PIN4: variants seen among roughly 807,000 people sequenced by gnomAD.
The protein encoded by PIN4 is peptidyl-prolyl cis-trans isomerase NIMA-interacting 4.
In PIN4, 3 loss-of-function variants were observed where a neutral mutation model predicts 8.3. The ratio of observed to expected loss-of-function variants is 0.36; its 90% confidence interval spans 0.16 to 0.93. The LOEUF is 0.93. Ranked by LOEUF, PIN4 falls within the 40% of genes least tolerant of loss-of-function variation. The pLI is 0.44. For synonymous variants in PIN4, 18 were observed against 32.5 expected, an observed-to-expected ratio of 0.55 and a Z score of 1.52; for missense variants, 75 against 100.6, an observed-to-expected ratio of 0.75 and a Z score of 1.09.
At chrX:72,251,220 G>A (rs181155335) in intron 3 of PIN4, among the ~76,000 whole-genome samples, 62 of 106,245 alleles carry the variant, frequency 5.8e-4, no homozygotes, top group African/African-American at 1.9e-3. Context: ...AAAATTACCC[G>A]GGCGTGGTGG....
At position 72,210,202 on chromosome X, in the gene PIN4, A is replaced by T. The variant is rs762184565; in HGVS notation, c.312+13298A>T. The stretch of plus-strand genomic sequence containing the variant: ...ATAACATAGCGAGACTGTCTCTTAA[A>T]AAATAAATAAATAAATAAATAAATA... On this transcript the variant is annotated intron_variant, in intron 3 of 3. Transcript: ENST00000423432. Among the ~76,000 whole-genome samples the T allele has an allele frequency of 1.8e-3, 173 of 97,189 alleles. No homozygotes were observed. The South Asian group carries it at 0.04, about 22-fold the overall frequency. 84.4% of individuals were successfully genotyped at this position (97,189 alleles called of 115,157 possible). A position where few individuals can be genotyped will look rare whatever the true frequency, so the allele number is the denominator to read the frequency against.
chrX:72,262,585 T>C lies in PIN4; in HGVS notation c.313-122T>C, dbSNP rs759200377. On this transcript the variant is annotated intron_variant, in intron 3 of 3. Transcript: ENST00000423432. ...TGATGATCAGACACAATAAATGTGTTGCTCTTTGGCTCAACTCTTGTCAAG... is the reference window on the plus strand; with the variant it reads ...TGATGATCAGACACAATAAATGTGTCGCTCTTTGGCTCAACTCTTGTCAAG... 1.5e-3 allele frequency: 653 copies of C among 421,658 alleles called. 3 individuals carry two copies. The highest frequency in any genetic ancestry group is 2.1e-3 in the Non-Finnish European group (506 of 243,707). 34.7% of individuals were successfully genotyped at this position (421,658 alleles called of 1,213,427 possible).
chrX:72,196,897 G>A lies in PIN4; in HGVS notation c.230G>A (p.Arg77Lys). Residue 77 changes from arginine (R) to lysine (K), a missense_variant, in exon 3 of 4, where the codon AGG (arginine) becomes AAG (lysine). Physicochemically the swap from Arg to Lys is conservative, Grantham distance 26 (BLOSUM62 2). Coordinates refer to ENST00000373669, the MANE Select transcript of PIN4 (RefSeq NM_006223.4). ...GCACAGTATAGTGAAGATAAAGCCAGGCAAGGGGTATGTTGCTCTTATTAT... is the reference window on the plus strand; with the variant it reads ...GCACAGTATAGTGAAGATAAAGCCAAGCAAGGGGTATGTTGCTCTTATTAT... ...VAAQYSEDKA[R>K]QGGDLGWMTR... 8.4e-7 allele frequency: 1 copy of A among 1,191,007 alleles called. No homozygotes were observed. Among genetic ancestry groups the A allele is most frequent in the East Asian group, 3.0e-5 (1 of 33,253 alleles).
At chrX:72,205,740 TTCA>T (rs1349723205) in intron 3 of PIN4, 17 of 1,211,557 alleles carry the variant, frequency 1.4e-5, no homozygotes, top group Non-Finnish European at 1.9e-5. Context: ...CTTCTTCTGG[TTCA>T]TCGTCTTTCT....
Position 72,198,070 on chromosome X carries a change from T to C in PIN4, c.*544T>C, listed in dbSNP as rs1300508199. On this transcript the variant is annotated 3_prime_UTR_variant, in exon 4 of 4. Coordinates refer to ENST00000373669, the MANE Select transcript of PIN4 (RefSeq NM_006223.4). ...GTTAACTCCTTTCTTTTTAAATAAA[T>C]GTTTATTGGAGGAAAAAAGCACTCA... 6 of 749,914 alleles carry C rather than the reference T, an allele frequency of 8.0e-6. No homozygotes were observed. Among genetic ancestry groups the C allele is most frequent in the Non-Finnish European group, 9.4e-6 (6 of 636,431 alleles). The allele number at this position is 749,914 out of a possible 1,213,427, so 61.8% of individuals were successfully genotyped here.
At chrX:72,251,625 C>G (rs2043088077) in intron 3 of PIN4, among the ~76,000 whole-genome samples, 1 of 111,268 alleles carries the variant, frequency 9.0e-6, no homozygotes, top group Non-Finnish European at 1.9e-5. Context: ...TTGCATTTTC[C>G]CTGAGAGTAA....
intron 3 of PIN4, among the ~76,000 whole-genome samples, chrX:72,234,041 C>T (rs1373252809): frequency 9.2e-6 from 1 of 108,862 alleles, no homozygotes; most frequent in African/African-American, 3.4e-5. Context: ...ACCTGGGAGG[C>T]AGAGGTTGCA....
At chrX:72,250,224 A>C (rs1188485477) in intron 3 of PIN4, among the ~76,000 whole-genome samples, 2 of 110,642 alleles carry the variant, frequency 1.8e-5, no homozygotes. Flanking sequence ...CAAAACATAA[A>C]GGCACTGAAT....
At chrX:72,219,031 G>A (rs1480325797) in intron 3 of PIN4, among the ~76,000 whole-genome samples, 2 of 112,417 alleles carry the variant, frequency 1.8e-5, no homozygotes, top group East Asian at 2.8e-4. Flanking sequence ...TGAGGTGGGC[G>A]GACCACCTGA....
At chrX:72,232,235 G>A (rs1050007320) in intron 3 of PIN4, among the ~76,000 whole-genome samples, 4 of 90,863 alleles carry the variant, frequency 4.4e-5, no homozygotes, top group Non-Finnish European at 8.4e-5. Context: ...GAGATTTAAA[G>A]CCAAGAACCT....
In PIN4 at chrX:72,229,690, T is replaced by C. The variant is rs1039448356; in HGVS notation, c.312+32786T>C. On this transcript the variant is annotated intron_variant, in intron 3 of 3. Coordinates refer to the PIN4 transcript ENST00000423432. ...TATCTATCTCCCTCCATTGGACTTG[T>C]TCCTCCTGATCGACCTTTGCCCATC... 2.7e-5 allele frequency among the ~76,000 whole-genome samples: 3 copies of C among 111,592 alleles called. No individual in the cohort carries two copies. In the Admixed American group the frequency reaches 2.9e-4, roughly 11 times the overall value.
intron 3 of PIN4, among the ~76,000 whole-genome samples, chrX:72,208,916 G>T (rs1251390533): frequency 1.8e-5 from 2 of 111,989 alleles, no homozygotes; most frequent in African/African-American, 6.5e-5. Context: ...TCAGGCACTA[G>T]TTGTGGAAAA....
intron 3 of PIN4, among the ~76,000 whole-genome samples, chrX:72,255,308 A>ATAATAATAATAG (rs1569493427): frequency 2.9e-5 from 3 of 105,233 alleles, no homozygotes; most frequent in Non-Finnish European, 5.8e-5. Context: ...AATAATAGTA[A>ATAATAATAATAG]TAATAATAAT....
chrX:72,195,775 A>G (rs2042761707), intron 2 of PIN4, among the ~76,000 whole-genome samples: 1 of 111,921 alleles, frequency 8.9e-6, no homozygotes, highest in Non-Finnish European at 1.9e-5. Flanking sequence ...AGGTCCCGTT[A>G]TCATTGCATC....
At chrX:72,204,419 C>CT (rs2042804256) in intron 3 of PIN4, among the ~76,000 whole-genome samples, 1 of 112,049 alleles carries the variant, frequency 8.9e-6, no homozygotes, top group African/African-American at 3.2e-5. Context: ...AATCTCTTTT[C>CT]TCTTGGGGAT....
At chrX:72,212,642 T>G (rs1044101096) in intron 3 of PIN4, among the ~76,000 whole-genome samples, 11 of 112,260 alleles carry the variant, frequency 9.8e-5, no homozygotes, top group Non-Finnish European at 1.5e-4. Flanking sequence ...CAAAGTTATT[T>G]TAGAATGTGA....
At chrX:72,192,044 C>T (rs886672349) in intron 2 of PIN4, among the ~76,000 whole-genome samples, 3 of 110,966 alleles carry the variant, frequency 2.7e-5, no homozygotes, top group Non-Finnish European at 3.8e-5. Flanking sequence ...CTCCATCTCC[C>T]AGTTTCAAGC....
intron 2 of PIN4, among the ~76,000 whole-genome samples, chrX:72,189,022 G>C (rs1203189128): frequency 9.0e-6 from 1 of 111,371 alleles, no homozygotes; most frequent in Non-Finnish European, 1.9e-5. Context: ...ACATCTAGCT[G>C]GGCATGGTCG....
Position 72,196,830 on chromosome X carries a change from A to T in PIN4, c.163A>T (p.Met55Leu), listed in dbSNP as rs1418507010. Residue 55 changes from methionine (M) to leucine (L), a missense_variant, in exon 3 of 4, where the codon ATG (methionine) becomes TTG (leucine). By Grantham distance (15) the Met-to-Leu change is conservative. Transcript: ENST00000373669. ...AAAACATGGCAAAATCATGGAAGCC[A>T]TGGAAAAGTTAAAGTCTGGGATGAG... ...CEKHGKIMEA[M>L]EKLKSGMRFN... The T allele has an allele frequency of 1.7e-6, 2 of 1,204,588 alleles. No homozygotes were observed. The highest frequency in any genetic ancestry group is 5.9e-5 in the East Asian group (2 of 33,805).
Sources: allele counts gnomAD v4.1 joint callset (sites outside exome capture counted in the v4.1 genomes callset), GRCh38; gene constraint gnomAD v4.1.1; transcripts MANE v1.5; gene names NCBI Gene and HGNC (gene_info 2026-07-23, HGNC 2026-07-21).